The following EBF1 variants were observed in gnomAD, a reference collection of about 807,000 sequenced individuals.
EBF1 encodes the protein transcription factor COE1.
Under a neutral mutation model 68.4 loss-of-function variants are expected in EBF1, and 10 were observed. The observed-to-expected ratio is 0.15, with a 90% CI of 0.09 to 0.25. EBF1 has a LOEUF of 0.25. Ranked by LOEUF, EBF1 falls within the 10% of genes least tolerant of loss-of-function variation. The pLI, the probability that EBF1 is intolerant of heterozygous loss-of-function variation, is 1.00. For missense variants in EBF1, 509 were observed against 794.4 expected (o/e 0.64, Z 4.32); for synonymous variants, 298 against 299.8 (o/e 0.99, Z 0.06).
At chr5:158,949,504 AAAAAG>A (rs1316169234) in intron 6 of EBF1, among the ~76,000 whole-genome samples, 2 of 152,222 alleles carry the variant, frequency 1.3e-5, no homozygotes, top group Admixed American at 6.5e-5. Context: ...ATTAAAAACT[AAAAAG>A]AAAATATTTT....
intron 11 of EBF1, among the ~76,000 whole-genome samples, chr5:158,715,899 C>G (rs968509645): frequency 3.3e-5 from 5 of 152,302 alleles, no homozygotes; most frequent in Admixed American, 6.5e-5. Context: ...GATTAGACTT[C>G]TCTAGGCCTA....
At chr5:158,879,901 T>A (rs1264327573) in intron 6 of EBF1, among the ~76,000 whole-genome samples, 1 of 152,140 alleles carries the variant, frequency 6.6e-6, no homozygotes, top group Non-Finnish European at 1.5e-5. Flanking sequence ...TGTCTCTCTC[T>A]CTCCCGAACC....
At chr5:158,899,825 A>C (rs1802908762) in intron 6 of EBF1, among the ~76,000 whole-genome samples, 1 of 152,216 alleles carries the variant, frequency 6.6e-6, no homozygotes, top group Non-Finnish European at 1.5e-5. Context: ...GGCCATTTCC[A>C]TGAGAAAGGT....
chr5:159,099,218 C>T, intron 1 of EBF1, 127 bp downstream of exon 1: 4 of 654,546 alleles, frequency 6.1e-6, no homozygotes, highest in Non-Finnish European at 8.6e-6. Context: ...GAGAGCGGAG[C>T]GCAGCGGCTG....
chr5:158,842,795 C>A (rs1790592459), intron 6 of EBF1, among the ~76,000 whole-genome samples: 1 of 152,166 alleles, frequency 6.6e-6, no homozygotes, highest in Non-Finnish European at 1.5e-5. Flanking sequence ...TCCTAAGTAA[C>A]CTCTGCTATT....
At chr5:158,853,934 G>C (rs1793476359) in intron 6 of EBF1, among the ~76,000 whole-genome samples, 1 of 152,146 alleles carries the variant, frequency 6.6e-6, no homozygotes, top group African/African-American at 2.4e-5. Context: ...AAACCACAGA[G>C]AGTACTGGGA....
chr5:159,076,356 G>A (rs1382495468), intron 5 of EBF1, among the ~76,000 whole-genome samples: 1 of 152,120 alleles, frequency 6.6e-6, no homozygotes, highest in Non-Finnish European at 1.5e-5. Flanking sequence ...GAAGGAAGGT[G>A]CACCTCATCC....
chr5:158,720,955 T>C (rs559664623), intron 11 of EBF1, among the ~76,000 whole-genome samples: 3 of 152,282 alleles, frequency 2.0e-5, no homozygotes, highest in African/African-American at 7.2e-5. Flanking sequence ...CTACAGAACA[T>C]TCTAGCTAGC....
At chr5:158,735,667 T>C (rs1303996062) in intron 10 of EBF1, among the ~76,000 whole-genome samples, 2 of 152,120 alleles carry the variant, frequency 1.3e-5, no homozygotes, top group Non-Finnish European at 2.9e-5. Flanking sequence ...ATTTGAACTG[T>C]ATCAACATTA....
chr5:159,065,451 G>C (rs1381469924), intron 6 of EBF1, among the ~76,000 whole-genome samples: 2 of 152,008 alleles, frequency 1.3e-5, no homozygotes, highest in Non-Finnish European at 2.9e-5. Flanking sequence ...ATTTTACTTT[G>C]ATAATTTTCA....
rs1283951597 is a variant in EBF1 at position 158,924,443 on chromosome 5, CAT to C, written c.555-84335_555-84334del. 5.9e-5 allele frequency among the ~76,000 whole-genome samples: 9 copies of C among 152,316 alleles called. No individual in the cohort carries two copies. The East Asian group carries it at 1.4e-3, about 23-fold the overall frequency. Reference sequence around the variant, plus strand: ...ATCTCCTTCATTTGTTCAACATAGACATAGATGCAGAGGGCAAATCCTTCTCT... The same window carrying C: ...ATCTCCTTCATTTGTTCAACATAGACAGATGCAGAGGGCAAATCCTTCTCT... On this transcript the variant is annotated intron_variant, in intron 6 of 15. Coordinates refer to ENST00000313708, the MANE Select transcript of EBF1 (RefSeq NM_024007.5).
intron 11 of EBF1, among the ~76,000 whole-genome samples, chr5:158,714,746 T>A (rs1244531002): frequency 6.6e-6 from 1 of 152,214 alleles, no homozygotes; most frequent in Non-Finnish European, 1.5e-5. Context: ...AAAACTCTTA[T>A]GAAAGGACTC....
At chr5:158,788,652 A>G (rs1003646587) in intron 9 of EBF1, among the ~76,000 whole-genome samples, 4 of 152,142 alleles carry the variant, frequency 2.6e-5, no homozygotes, top group African/African-American at 7.2e-5. Flanking sequence ...CACTATCTAG[A>G]TATCCATAAA....
At chr5:158,966,768 G>A (rs1169048071) in intron 6 of EBF1, among the ~76,000 whole-genome samples, 1 of 152,112 alleles carries the variant, frequency 6.6e-6, no homozygotes, top group Non-Finnish European at 1.5e-5. Flanking sequence ...ACCTGGCTTG[G>A]TACTGAAAAC....
At chr5:159,085,886 A>G (rs1179476349) in intron 4 of EBF1, among the ~76,000 whole-genome samples, 1 of 152,154 alleles carries the variant, frequency 6.6e-6, no homozygotes, top group Non-Finnish European at 1.5e-5. Context: ...TAAATGATGA[A>G]TATAACTTGC....
intron 6 of EBF1, among the ~76,000 whole-genome samples, chr5:158,899,392 T>C (rs1802823730): frequency 6.6e-6 from 1 of 152,230 alleles, no homozygotes. Context: ...CAGAAAGGCA[T>C]TCCCGAATGG....
chr5:158,956,922 C>A (rs988404752), intron 6 of EBF1, among the ~76,000 whole-genome samples: 2 of 152,124 alleles, frequency 1.3e-5, no homozygotes, highest in African/African-American at 4.8e-5. Flanking sequence ...CCACGCCCAG[C>A]TAATTTTTTG....
rs1184633145 is a variant in EBF1 at position 158,697,526 on chromosome 5, G to A, written c.*1585C>T. 2 of 209,728 alleles carry A rather than the reference G, an allele frequency of 9.5e-6. No individual in the cohort carries two copies. Among genetic ancestry groups the A allele is most frequent in the Non-Finnish European group, 1.9e-5 (2 of 103,148 alleles). The allele number at this position is 209,728 out of a possible 1,614,324, so 13.0% of individuals were successfully genotyped here. A position where few individuals can be genotyped will look rare whatever the true frequency, so the allele number is the denominator to read the frequency against. ...TTGGGGGTGGAAGGAAGAGGAAGAAGGGAAAAGCAATGTACAAATTCGAAA... is the reference window on the plus strand; with the variant it reads ...TTGGGGGTGGAAGGAAGAGGAAGAAAGGAAAAGCAATGTACAAATTCGAAA... On this transcript the variant is annotated 3_prime_UTR_variant, in exon 16 of 16. Coordinates refer to ENST00000313708, the MANE Select transcript of EBF1 (RefSeq NM_024007.5).
intron 6 of EBF1, among the ~76,000 whole-genome samples, chr5:158,951,126 G>A (rs1489571705): frequency 6.6e-6 from 1 of 152,142 alleles, no homozygotes; most frequent in East Asian, 1.9e-4. Flanking sequence ...AATTCATGTG[G>A]CACTAAATCA....
Sources: gnomAD v4.1 joint callset for allele counts (sites outside exome capture counted in the v4.1 genomes callset) on GRCh38, gnomAD v4.1.1 for gene constraint, MANE v1.5 for transcripts, NCBI Gene and HGNC (gene_info 2026-07-23, HGNC 2026-07-21) for gene names.